MECOM: variants seen among roughly 807,000 people sequenced by gnomAD.
MECOM encodes the protein histone-lysine N-methyltransferase MECOM.
MECOM carries 13 observed loss-of-function variants against 116.3 expected under a neutral mutation model. The ratio of observed to expected loss-of-function variants is 0.11; its 90% confidence interval spans 0.07 to 0.18. MECOM has a LOEUF of 0.18. Among genes scored for constraint, MECOM ranks in the 10% least tolerant of loss-of-function variants. The pLI, the probability that MECOM is intolerant of heterozygous loss-of-function variation, is 1.00. For missense variants in MECOM, 1,299 were observed against 1,509.0 expected, an observed-to-expected ratio of 0.86 and a Z score of 2.31; for synonymous variants, 528 against 535.2, an observed-to-expected ratio of 0.99 and a Z score of 0.19.
intron 2 of MECOM, among the ~76,000 whole-genome samples, chr3:169,294,154 GTTTT>G (rs1007018245): frequency 6.6e-6 from 1 of 151,050 alleles, no homozygotes; most frequent in Non-Finnish European, 1.5e-5. Context: ...TGATTAGTGA[GTTTT>G]TTTTTAAGTT....
At position 169,294,154 on chromosome 3, in the gene MECOM, G is replaced by GT. The variant is rs1007018245; in HGVS notation, c.375+87032dup. Among the ~76,000 whole-genome samples, 459 of 151,152 alleles carry GT rather than the reference G, an allele frequency of 3.0e-3. 1 individual carries two copies. Among genetic ancestry groups the GT allele is most frequent in the African/African-American group, 0.01 (426 of 41,192 alleles). On this transcript the variant is annotated intron_variant, in intron 2 of 16. Transcript: ENST00000651503. ...TTTTTTTTGGTTAGTTGATTAGTGA[G>GT]TTTTTTTTTAAGTTGTTGTATTTCC...
At chr3:169,520,924 G>A (rs6444857) in intron 1 of MECOM, among the ~76,000 whole-genome samples, 32,421 of 152,146 alleles carry the variant, frequency 0.21, 4,222 homozygotes, top group Non-Finnish European at 0.29. Flanking sequence ...GCCTCAGTTT[G>A]CCAATATGTT....
At chr3:169,652,463 A>G (rs1293220042) in intron 1 of MECOM, among the ~76,000 whole-genome samples, 1 of 152,152 alleles carries the variant, frequency 6.6e-6, no homozygotes, top group Non-Finnish European at 1.5e-5. Context: ...GAAACCATAT[A>G]TGGCTGTTCT....
intron 2 of MECOM, among the ~76,000 whole-genome samples, chr3:169,242,162 T>C (rs1309954826): frequency 6.6e-5 from 10 of 152,172 alleles, no homozygotes; most frequent in African/African-American, 9.7e-5. Context: ...AATTTAGAAG[T>C]AAATGGTAGA....
chr3:169,646,894 A>G (rs962269639), intron 1 of MECOM, among the ~76,000 whole-genome samples: 5 of 152,210 alleles, frequency 3.3e-5, no homozygotes, highest in Non-Finnish European at 7.3e-5. Context: ...TAAAATCATA[A>G]CGTAATAGAA....
chr3:169,149,113 T>G (rs1327112310), intron 2 of MECOM, among the ~76,000 whole-genome samples: 1 of 149,650 alleles, frequency 6.7e-6, no homozygotes, highest in Non-Finnish European at 1.5e-5. Flanking sequence ...AGCCATAAAT[T>G]GGACCGGCTC....
intron 2 of MECOM, among the ~76,000 whole-genome samples, chr3:169,378,765 G>C (rs1406228527): frequency 2.0e-5 from 3 of 151,900 alleles, no homozygotes; most frequent in Non-Finnish European, 4.4e-5. Flanking sequence ...GAAGAAAAGA[G>C]CAAGGGCCCT....
At chr3:169,503,208 C>A (rs998423264) in intron 1 of MECOM, among the ~76,000 whole-genome samples, 2 of 152,080 alleles carry the variant, frequency 1.3e-5, no homozygotes, top group African/African-American at 4.8e-5. Context: ...ATCTAAAGCC[C>A]TTATTTTTTT....
At chr3:169,537,594 G>A (rs1759542837) in intron 1 of MECOM, among the ~76,000 whole-genome samples, 1 of 152,036 alleles carries the variant, frequency 6.6e-6, no homozygotes, top group Non-Finnish European at 1.5e-5. Flanking sequence ...TAAAGTTAGT[G>A]TATTCCAGGT....
chr3:169,250,629 T>C (rs879748536), intron 2 of MECOM, among the ~76,000 whole-genome samples: 4 of 152,198 alleles, frequency 2.6e-5, no homozygotes, highest in Non-Finnish European at 4.4e-5. Flanking sequence ...TAAGTAACAC[T>C]GTAGTTTATT....
chr3:169,525,727 T>C (rs940342568), intron 1 of MECOM, among the ~76,000 whole-genome samples: 4 of 152,300 alleles, frequency 2.6e-5, no homozygotes, highest in African/African-American at 9.6e-5. Flanking sequence ...GGTGGCTCTT[T>C]GTAAAAGGTG....
chr3:169,284,505 C>A (rs1253009413), intron 2 of MECOM, among the ~76,000 whole-genome samples: 1 of 151,984 alleles, frequency 6.6e-6, no homozygotes, highest in African/African-American at 2.4e-5. Flanking sequence ...CTCTCACAAT[C>A]TTAAATTTCA....
At chr3:169,397,075 T>G (rs932539520) in intron 1 of MECOM, among the ~76,000 whole-genome samples, 5 of 152,144 alleles carry the variant, frequency 3.3e-5, no homozygotes, top group African/African-American at 9.7e-5. Context: ...AAGTGACAGA[T>G]CTAAAATGTC....
chr3:169,453,566 C>T (rs531024016), intron 1 of MECOM, among the ~76,000 whole-genome samples: 2 of 152,248 alleles, frequency 1.3e-5, no homozygotes, highest in East Asian at 3.9e-4. Context: ...TACTTCTTTA[C>T]TAAATTGGGG....
intron 3 of MECOM, among the ~76,000 whole-genome samples, chr3:169,136,347 TATA>T (rs1736368793): frequency 6.6e-6 from 1 of 151,422 alleles, no homozygotes; most frequent in South Asian, 2.1e-4. Flanking sequence ...TATAATTCTA[TATA>T]ATAAGAATGA....
At chr3:169,213,644 T>G (rs1489461319) in intron 2 of MECOM, among the ~76,000 whole-genome samples, 2 of 152,170 alleles carry the variant, frequency 1.3e-5, no homozygotes, top group African/African-American at 4.8e-5. Flanking sequence ...AGTTTTTCTT[T>G]TTAAACAAAC....
intron 1 of MECOM, among the ~76,000 whole-genome samples, chr3:169,466,456 T>C (rs1354586932): frequency 6.6e-6 from 1 of 152,068 alleles, no homozygotes; most frequent in Admixed American, 6.6e-5. Flanking sequence ...GCTATTGATT[T>C]TTGGTCCATT....
chr3:169,160,681 A>C (rs890718680), intron 2 of MECOM, among the ~76,000 whole-genome samples: 7 of 151,492 alleles, frequency 4.6e-5, no homozygotes, highest in Non-Finnish European at 8.8e-5. Context: ...AGTATAACTG[A>C]GTTGTTTGTA....
At position 169,606,600 on chromosome 3, in the gene MECOM, G is replaced by A. The variant is rs575831602; in HGVS notation, c.37+56736C>T. Among the ~76,000 whole-genome samples, 4 of 152,252 alleles carry A rather than the reference G, an allele frequency of 2.6e-5. No individual in the cohort carries two copies. In the South Asian group the frequency reaches 8.3e-4, roughly 32 times the overall value. ...AAAGTACAGTGGCTTAAACAGGAAA[G>A]AAATGTCTTTCTTTTTTGTATAACA... On this transcript the variant is annotated intron_variant, in intron 1 of 16. Coordinates refer to ENST00000651503, the MANE Select transcript of MECOM (RefSeq NM_004991.4).
Sources: allele counts gnomAD v4.1 joint callset (sites outside exome capture counted in the v4.1 genomes callset), GRCh38; gene constraint gnomAD v4.1.1; transcripts MANE v1.5; gene names NCBI Gene and HGNC (gene_info 2026-07-23, HGNC 2026-07-21).